FGD4: variants seen among roughly 807,000 people sequenced by gnomAD.
The protein encoded by FGD4 is FYVE, RhoGEF and PH domain containing 4.
Under a neutral mutation model 102.0 loss-of-function variants are expected in FGD4, and 42 were observed. The ratio of observed to expected loss-of-function variants is 0.41; its 90% confidence interval spans 0.32 to 0.53. FGD4 has a LOEUF of 0.53. Ranked by LOEUF, FGD4 falls within the 20% of genes least tolerant of loss-of-function variation. The pLI is 0.21. For missense variants in FGD4, 902 were observed against 1,078.2 expected, an observed-to-expected ratio of 0.84 and a Z score of 2.29; for synonymous variants, 380 against 375.7, an observed-to-expected ratio of 1.01 and a Z score of -0.13.
chr12:32,642,203 G>A lies in FGD4; in HGVS notation c.*1670G>A, dbSNP rs1185447099. 6.6e-6 allele frequency: 1 copy of A among 152,022 alleles called. No homozygotes were observed. The highest frequency in any genetic ancestry group is 1.5e-5 in the Non-Finnish European group (1 of 67,962). The allele number at this position is 152,022 out of a possible 1,614,324, so 9.4% of individuals were successfully genotyped here. A position where few individuals can be genotyped will look rare whatever the true frequency, so the allele number is the denominator to read the frequency against. ...TCATTAACATTAAACCAAATAGATG[G>A]AGCCAAAAAGAGATAAAAGTAGCTT... On this transcript the variant is annotated 3_prime_UTR_variant, in exon 17 of 17. Coordinates refer to ENST00000534526, the MANE Select transcript of FGD4 (RefSeq NM_001370298.3).
At chr12:32,446,378 A>C (rs189940258) in intron 1 of FGD4, among the ~76,000 whole-genome samples, 34 of 152,176 alleles carry the variant, frequency 2.2e-4, no homozygotes, top group Admixed American at 2.2e-3. Flanking sequence ...CCTGAAGCCC[A>C]ATGTAACAGT....
At chr12:32,523,949 G>C (rs187815008) in intron 1 of FGD4, among the ~76,000 whole-genome samples, 10 of 152,278 alleles carry the variant, frequency 6.6e-5, no homozygotes, top group Admixed American at 6.5e-4. Flanking sequence ...CTGCACTCCA[G>C]CCTGGGCGAC....
intron 14 of FGD4, among the ~76,000 whole-genome samples, chr12:32,629,481 T>G (rs752312745): frequency 2.7e-4 from 41 of 152,218 alleles, no homozygotes; most frequent in Non-Finnish European, 5.4e-4. Flanking sequence ...ATTTTCTCCA[T>G]TATATAATTC....
chr12:32,534,275 G>A (rs923942002), intron 1 of FGD4: 10 of 1,305,766 alleles, frequency 7.7e-6, no homozygotes, highest in Non-Finnish European at 9.8e-6. Flanking sequence ...GGCATGTTTT[G>A]CATAAGGTCG....
intron 1 of FGD4, among the ~76,000 whole-genome samples, chr12:32,505,651 T>G (rs2136643014): frequency 6.6e-6 from 1 of 152,314 alleles, no homozygotes. Flanking sequence ...AGAAATAGCT[T>G]GATGGAGTTA....
intron 1 of FGD4, among the ~76,000 whole-genome samples, chr12:32,462,902 A>G (rs1207574500): frequency 6.6e-6 from 1 of 152,262 alleles, no homozygotes; most frequent in Non-Finnish European, 1.5e-5. Flanking sequence ...ACTGTACATC[A>G]TGGCAAATAT....
At chr12:32,497,657 G>A (rs1937906093) in intron 1 of FGD4, among the ~76,000 whole-genome samples, 1 of 152,030 alleles carries the variant, frequency 6.6e-6, no homozygotes, top group Admixed American at 6.6e-5. Flanking sequence ...CGGAAAGCAC[G>A]GAAAGAGAAC....
chr12:32,613,501 C>G (rs1019005185), intron 10 of FGD4, among the ~76,000 whole-genome samples: 1 of 152,108 alleles, frequency 6.6e-6, no homozygotes, highest in Non-Finnish European at 1.5e-5. Context: ...ACCTCTAATA[C>G]CAGCACTTTG....
At chr12:32,551,050 A>G (rs910797709) in intron 1 of FGD4, among the ~76,000 whole-genome samples, 1 of 152,230 alleles carries the variant, frequency 6.6e-6, no homozygotes, top group African/African-American at 2.4e-5. Context: ...ATTAGTTTGC[A>G]AGAGTCATGA....
chr12:32,519,119 GAAA>G (rs751377618), intron 1 of FGD4, among the ~76,000 whole-genome samples: 10 of 73,420 alleles, frequency 1.4e-4, no homozygotes, highest in East Asian at 1.0e-3. Flanking sequence ...TCCGTCTCAG[GAAA>G]AAAAAAAAAA....
intron 1 of FGD4, among the ~76,000 whole-genome samples, chr12:32,429,860 G>T (rs1941988985): frequency 6.6e-6 from 1 of 152,020 alleles, no homozygotes; most frequent in Non-Finnish European, 1.5e-5. Flanking sequence ...GTTTTGGTGG[G>T]TTTTGGCCTG....
chr12:32,433,159 G>A (rs896949326), intron 1 of FGD4, among the ~76,000 whole-genome samples: 5 of 151,364 alleles, frequency 3.3e-5, no homozygotes, highest in Admixed American at 6.6e-5. Flanking sequence ...ACCACACCTC[G>A]CTAATTTTTG....
intron 4 of FGD4, among the ~76,000 whole-genome samples, chr12:32,590,755 C>G (rs7315636): frequency 6.6e-6 from 1 of 152,200 alleles, no homozygotes; most frequent in African/African-American, 2.4e-5. Flanking sequence ...ATGTGCAGTA[C>G]ATAGAATAGT....
chr12:32,632,758 A>G (rs1187405514), intron 14 of FGD4, among the ~76,000 whole-genome samples: 1 of 145,220 alleles, frequency 6.9e-6, no homozygotes, highest in Non-Finnish European at 1.5e-5. Flanking sequence ...CCCAGGCTGG[A>G]GTGCACTAGC....
chr12:32,567,817 A>G (rs1945318097), intron 2 of FGD4, among the ~76,000 whole-genome samples: 1 of 151,178 alleles, frequency 6.6e-6, no homozygotes, highest in South Asian at 2.1e-4. Context: ...CCTCCTCAGT[A>G]GCTGGACTAC....
intron 1 of FGD4, among the ~76,000 whole-genome samples, chr12:32,408,821 CTT>C (rs1356871659): frequency 6.6e-6 from 1 of 152,148 alleles, no homozygotes; most frequent in Non-Finnish European, 1.5e-5. Context: ...TTTTAAAGCT[CTT>C]TTCTTGGTTC....
chr12:32,412,644 C>T (rs1467166487), intron 1 of FGD4, among the ~76,000 whole-genome samples: 1 of 152,080 alleles, frequency 6.6e-6, no homozygotes, highest in Non-Finnish European at 1.5e-5. Flanking sequence ...GAGTCTCGCG[C>T]CATCGCCAGG....
At chr12:32,435,769 T>C (rs1272116602) in intron 1 of FGD4, among the ~76,000 whole-genome samples, 2 of 152,212 alleles carry the variant, frequency 1.3e-5, no homozygotes, top group Non-Finnish European at 2.9e-5. Context: ...CATAAAATGG[T>C]CCATCTAGTC....
intron 14 of FGD4, among the ~76,000 whole-genome samples, chr12:32,629,585 A>G (rs1490615694): frequency 1.3e-5 from 2 of 152,146 alleles, no homozygotes; most frequent in Non-Finnish European, 2.9e-5. Context: ...ATTCAGATAT[A>G]TATAACATCA....
Sources: allele counts gnomAD v4.1 joint callset (sites outside exome capture counted in the v4.1 genomes callset), GRCh38; gene constraint gnomAD v4.1.1; transcripts MANE v1.5; gene names NCBI Gene and HGNC (gene_info 2026-07-23, HGNC 2026-07-21).